Variants in P2RY6 observed in about 807,000 individuals in gnomAD.
P2RY6 encodes pyrimidinergic receptor P2Y6, also known as P2Y purinoceptor 6.
Under a neutral mutation model 16.3 loss-of-function variants are expected in P2RY6, and 19 were observed. That is an observed-to-expected ratio of 1.16 (90% confidence interval 0.81 to 1.71). The LOEUF (loss-of-function observed/expected upper bound fraction) is 1.71, where lower values mean the gene tolerates loss of function less well. P2RY6 is among the 40% of genes most tolerant of loss of function. The pLI is 0.00. For missense variants in P2RY6, 389 were observed against 455.5 expected (o/e 0.85, Z 1.33); for synonymous variants, 184 against 201.5 (o/e 0.91, Z 0.74).
upstream of P2RY6, among the ~76,000 whole-genome samples, chr11:73,271,154 C>A (rs775662162): frequency 1.3e-5 from 2 of 152,048 alleles, no homozygotes; most frequent in African/African-American, 2.4e-5. Context: ...ATCTTACAGA[C>A]GGGGAGGGCC....
chr11:73,289,704 C>T (rs562499576), intron 1 of P2RY6, among the ~76,000 whole-genome samples: 8 of 152,208 alleles, frequency 5.3e-5, no homozygotes, highest in Non-Finnish European at 1.0e-4. Context: ...CTGGGAATCC[C>T]CTGATCTGAG....
intron 2 of P2RY6, among the ~76,000 whole-genome samples, chr11:73,296,233 A>AT (rs1554992361): frequency 0.092 from 11,393 of 124,024 alleles, 558 homozygotes; most frequent in Admixed American, 0.14. Context: ...GAAAAAAAAA[A>AT]ATATATATAT....
chr11:73,292,966 C>CGGGGGGG (rs1393817542), intron 1 of P2RY6: 1 of 18,392 alleles, frequency 5.4e-5, no homozygotes. Context: ...GCAGGGGTTG[C>CGGGGGGG]GGGGGGTGGG....
At chr11:73,272,120 G>A (rs1220309441), upstream of P2RY6, 1 of 152,788 alleles carries the variant, frequency 6.5e-6, no homozygotes, top group African/African-American at 2.4e-5. Context: ...CAGTCCCTTG[G>A]GCTAAATTGG....
chr11:73,297,730 G>A lies in P2RY6; in HGVS notation c.*225G>A, dbSNP rs1864573517. 1.7e-6 allele frequency: 1 copy of A among 578,990 alleles called. No individual in the cohort carries two copies. The highest frequency in any genetic ancestry group is 3.2e-6 in the Non-Finnish European group (1 of 317,348). 35.9% of individuals were successfully genotyped at this position (578,990 alleles called of 1,614,324 possible). ...ACAGACCTGGGCCTGGCTCTTGAGA[G>A]GTCCCAGTCAGCCATGGAGAGCTGG... On this transcript the variant is annotated 3_prime_UTR_variant, in exon 3 of 3. Transcript: ENST00000540124.
At chr11:73,284,360 G>A (rs927891606) in intron 1 of P2RY6, among the ~76,000 whole-genome samples, 2 of 152,124 alleles carry the variant, frequency 1.3e-5, no homozygotes, top group Non-Finnish European at 2.9e-5. Context: ...GCTGGCAAGG[G>A]GAGGGAGAGA....
chr11:73,267,617 C>G (rs76858062), upstream of P2RY6, among the ~76,000 whole-genome samples: 7,884 of 152,272 alleles, frequency 0.052, 251 homozygotes, highest in Middle Eastern at 0.085. Flanking sequence ...CCAGCAGGAG[C>G]AGCATCGTTG....
intron 1 of P2RY6, chr11:73,292,975 G>GA (rs1374126643): frequency 5.6e-6 from 1 of 177,020 alleles, no homozygotes; most frequent in Non-Finnish European, 1.1e-5. Flanking sequence ...GCGGGGGGTG[G>GA]GGGGGGGAGG....
chr11:73,273,846 AT>A (rs976517002), intron 1 of P2RY6, among the ~76,000 whole-genome samples: 1 of 151,566 alleles, frequency 6.6e-6, no homozygotes, highest in African/African-American at 2.4e-5. Flanking sequence ...TGGGATTTTT[AT>A]TTTTTTTAAG....
Position 73,275,630 on chromosome 11 carries a change from C to G in P2RY6, c.-121+3164C>G, listed in dbSNP as rs375710322. On this transcript the variant is annotated intron_variant, in intron 1 of 2. Transcript: ENST00000540124. ...TGCCTTCGCATTGTGGCCCGCCACG[C>G]TCCTGAGAAGGACACACCTCCATAG... Among the ~76,000 whole-genome samples the G allele has an allele frequency of 8.3e-4, 126 of 152,254 alleles. 2 individuals are homozygous for G. The South Asian group carries it at 0.025, about 30-fold the overall frequency.
upstream of P2RY6, among the ~76,000 whole-genome samples, chr11:73,269,561 G>A (rs892512675): frequency 6.6e-6 from 1 of 152,172 alleles, no homozygotes; most frequent in African/African-American, 2.4e-5. Flanking sequence ...CACATGCAGA[G>A]GCCCGGGCCT....
rs1864551983 is a variant in P2RY6 at position 73,297,357 on chromosome 11, CA to C, written c.840del (p.Ala281ArgfsTer78). 1 of 1,612,256 alleles carries C rather than the reference CA, an allele frequency of 6.2e-7. No homozygotes were observed. The highest frequency in any genetic ancestry group is 2.2e-5 in the East Asian group (1 of 44,888). The stretch of plus-strand genomic sequence containing the variant: ...CCCTGCACTGTATTGGAGGCCTTTG[CA>C]GCGGCCTACAAAGGCACGCGGCCGT... ...GVPCTVLEAF[A>X]AAYKGTRPFA... On this transcript the variant is annotated frameshift_variant, in exon 3 of 3. Transcript: ENST00000540124. LOFTEE classifies it high-confidence loss of function.
At chr11:73,274,352 G>A (rs1252482801) in intron 1 of P2RY6, among the ~76,000 whole-genome samples, 20 of 152,146 alleles carry the variant, frequency 1.3e-4, no homozygotes, top group Admixed American at 1.3e-3. Flanking sequence ...AGCTGAAAGA[G>A]AAAGTTAAGC....
chr11:73,281,745 C>T lies in P2RY6; in HGVS notation c.-121+9279C>T, dbSNP rs144499121. ...TCCCATGTCCAGATGACTGTGCTAT[C>T]CCAGGAGCCGAATGTCTCTCCTCTC... On this transcript the variant is annotated intron_variant, in intron 1 of 2. Coordinates refer to ENST00000540124, the MANE Select transcript of P2RY6 (RefSeq NM_001277204.2). 2.4e-3 allele frequency among the ~76,000 whole-genome samples: 370 copies of T among 152,330 alleles called. 3 individuals are homozygous for T. Among genetic ancestry groups the T allele is most frequent in the Middle Eastern group, 0.01 (3 of 294 alleles).
chr11:73,286,574 T>TAAA (rs34923291), intron 1 of P2RY6, among the ~76,000 whole-genome samples: 128 of 137,420 alleles, frequency 9.3e-4, no homozygotes, highest in African/African-American at 2.0e-3. Flanking sequence ...GACAAAGATT[T>TAAA]AAAAAAAAAA....
intron 1 of P2RY6, among the ~76,000 whole-genome samples, chr11:73,264,972 T>C (rs1863054988): frequency 6.6e-6 from 1 of 152,218 alleles, no homozygotes; most frequent in African/African-American, 2.4e-5. Flanking sequence ...GAAGTGTGCA[T>C]TGCAACTCTC....
intron 1 of P2RY6, among the ~76,000 whole-genome samples, chr11:73,285,396 C>T (rs1346644723): frequency 1.3e-5 from 2 of 152,190 alleles, no homozygotes; most frequent in African/African-American, 2.4e-5. Context: ...TTCATGCACA[C>T]TCCACAGCAG....
intron 1 of P2RY6, among the ~76,000 whole-genome samples, chr11:73,287,169 T>C (rs1043359198): frequency 6.6e-6 from 1 of 152,252 alleles, no homozygotes; most frequent in Non-Finnish European, 1.5e-5. Context: ...GATAGTCTCC[T>C]CCCTGGTGGC....
At chr11:73,287,910 C>G (rs975182879) in intron 1 of P2RY6, among the ~76,000 whole-genome samples, 2 of 152,232 alleles carry the variant, frequency 1.3e-5, no homozygotes, top group African/African-American at 4.8e-5. Context: ...CGTCCCTCTG[C>G]TCACCGGGGG....
Sources: allele counts gnomAD v4.1 joint callset (sites outside exome capture counted in the v4.1 genomes callset), GRCh38; gene constraint gnomAD v4.1.1; transcripts MANE v1.5; gene names NCBI Gene and HGNC (gene_info 2026-07-23, HGNC 2026-07-21).